Variants in GRM5 observed in about 807,000 individuals in gnomAD.
GRM5 encodes the protein metabotropic glutamate receptor 5.
GRM5 carries 19 observed loss-of-function variants against 83.1 expected under a neutral mutation model. That is an observed-to-expected ratio of 0.23 (90% CI 0.16 to 0.34). The LOEUF (loss-of-function observed/expected upper bound fraction) is 0.34, where lower values mean the gene tolerates loss of function less well. GRM5 is among the 10% of genes least tolerant of loss of function. GRM5 has a pLI of 1.00. For synonymous variants in GRM5, 675 were observed against 633.6 expected, an observed-to-expected ratio of 1.07 and a Z score of -0.98; for missense variants, 1,160 against 1,588.3, an observed-to-expected ratio of 0.73 and a Z score of 4.58.
intron 2 of GRM5, among the ~76,000 whole-genome samples, chr11:88,896,529 T>A (rs1453109376): frequency 6.6e-6 from 1 of 151,890 alleles, no homozygotes; most frequent in African/African-American, 2.4e-5. Flanking sequence ...ATAGAGAGGT[T>A]TATTTATTGT....
intron 3 of GRM5, among the ~76,000 whole-genome samples, chr11:88,675,807 C>T (rs1008800750): frequency 6.6e-6 from 1 of 152,010 alleles, no homozygotes; most frequent in African/African-American, 2.4e-5. Flanking sequence ...AATAGGCATT[C>T]TGTAAATGTT....
chr11:88,732,164 A>G (rs1026641207), intron 3 of GRM5, among the ~76,000 whole-genome samples: 3 of 152,064 alleles, frequency 2.0e-5, no homozygotes, highest in Non-Finnish European at 2.9e-5. Context: ...AAACTAAACT[A>G]AAACCAATTG....
chr11:88,844,357 T>TAC (rs3031469), intron 3 of GRM5, among the ~76,000 whole-genome samples: 7,903 of 146,124 alleles, frequency 0.054, 206 homozygotes, highest in South Asian at 0.076. Flanking sequence ...TCAGAATTAC[T>TAC]ACACACACAC....
intron 4 of GRM5, among the ~76,000 whole-genome samples, chr11:88,630,263 A>G (rs1938925550): frequency 6.6e-6 from 1 of 152,144 alleles, no homozygotes; most frequent in South Asian, 2.1e-4. Context: ...CTCCCCTAAC[A>G]GGAATGTATG....
At chr11:89,019,388 T>C (rs1165414871) in intron 2 of GRM5, among the ~76,000 whole-genome samples, 2 of 151,952 alleles carry the variant, frequency 1.3e-5, no homozygotes, top group Non-Finnish European at 2.9e-5. Context: ...TATAGAAAAA[T>C]GTCATATCAA....
chr11:88,988,719 G>C (rs1386364134), intron 2 of GRM5, among the ~76,000 whole-genome samples: 7 of 151,180 alleles, frequency 4.6e-5, no homozygotes, highest in African/African-American at 1.7e-4. Flanking sequence ...CATTCTTAAA[G>C]AAAAGAATTT....
intron 4 of GRM5, 26 bp from the exon 5 acceptor site, chr11:88,604,990 C>G: frequency 6.3e-7 from 1 of 1,591,736 alleles, no homozygotes; most frequent in Non-Finnish European, 8.6e-7. Context: ...TTAAGCATAG[C>G]TTTGAGGTAC....
At chr11:88,923,404 G>A (rs1387333143) in intron 2 of GRM5, among the ~76,000 whole-genome samples, 1 of 152,134 alleles carries the variant, frequency 6.6e-6, no homozygotes, top group African/African-American at 2.4e-5. Context: ...TCAACAGCGT[G>A]GATGGAACTG....
At chr11:88,713,055 G>T (rs932238896) in intron 3 of GRM5, among the ~76,000 whole-genome samples, 20 of 151,916 alleles carry the variant, frequency 1.3e-4, no homozygotes, top group African/African-American at 4.6e-4. Flanking sequence ...CTAGATTTGG[G>T]TAGATATTAG....
chr11:88,834,802 G>A (rs1944062024), intron 3 of GRM5, among the ~76,000 whole-genome samples: 1 of 152,170 alleles, frequency 6.6e-6, no homozygotes, highest in East Asian at 1.9e-4. Context: ...ATAAACTCAT[G>A]GGGAGGGTGT....
At position 88,740,995 on chromosome 11, in the gene GRM5, A is replaced by G. The variant is rs148292445; in HGVS notation, c.912-87592T>C. On this transcript the variant is annotated intron_variant, in intron 3 of 9. Coordinates refer to ENST00000305447, the MANE Select transcript of GRM5 (RefSeq NM_001143831.3). Reference sequence around the variant, plus strand: ...GTATCTTCCTGCTATGTTCACTGCTATAGTAGATTAGGATTGTATACTATG... The same window carrying G: ...GTATCTTCCTGCTATGTTCACTGCTGTAGTAGATTAGGATTGTATACTATG... 1.5e-4 allele frequency among the ~76,000 whole-genome samples: 23 copies of G among 152,200 alleles called. No individual in the cohort carries two copies. The East Asian group carries it at 3.3e-3, about 22-fold the overall frequency.
At chr11:88,952,977 C>T (rs530299369) in intron 2 of GRM5, among the ~76,000 whole-genome samples, 1 of 152,042 alleles carries the variant, frequency 6.6e-6, no homozygotes, top group Non-Finnish European at 1.5e-5. Flanking sequence ...GGATTTTCCC[C>T]TCTCTTTTCT....
chr11:88,730,568 CAT>C (rs1452071882), intron 3 of GRM5, among the ~76,000 whole-genome samples: 2 of 152,018 alleles, frequency 1.3e-5, no homozygotes, highest in East Asian at 3.9e-4. Flanking sequence ...CACATGCACA[CAT>C]ATGTTTATTG....
intron 2 of GRM5, among the ~76,000 whole-genome samples, chr11:88,902,562 G>A (rs12422021): frequency 0.019 from 2,938 of 152,100 alleles, 45 homozygotes; most frequent in East Asian, 0.066. Context: ...GACCTGGAAG[G>A]GTAGCAGAGA....
chr11:88,988,308 GA>G (rs1939812899), intron 2 of GRM5, among the ~76,000 whole-genome samples: 1 of 150,872 alleles, frequency 6.6e-6, no homozygotes, highest in Non-Finnish European at 1.5e-5. Flanking sequence ...GAAGTTTAGA[GA>G]AAAAAGAATA....
chr11:88,918,697 A>G (rs1945636529), intron 2 of GRM5, among the ~76,000 whole-genome samples: 1 of 152,044 alleles, frequency 6.6e-6, no homozygotes, highest in African/African-American at 2.4e-5. Flanking sequence ...TTTTAAAGAC[A>G]TACATAGTAT....
At chr11:88,696,011 G>C (rs940210524) in intron 3 of GRM5, among the ~76,000 whole-genome samples, 1 of 152,168 alleles carries the variant, frequency 6.6e-6, no homozygotes, top group South Asian at 2.1e-4. Context: ...AAGACAGAAG[G>C]CTTTCTGTAT....
chr11:88,548,975 G>T (rs1238922019), intron 8 of GRM5, among the ~76,000 whole-genome samples: 1 of 152,182 alleles, frequency 6.6e-6, no homozygotes, highest in Non-Finnish European at 1.5e-5. Flanking sequence ...GTCAAGCACA[G>T]GGGAAAAACA....
At chr11:88,835,028 G>A (rs772378648) in intron 3 of GRM5, among the ~76,000 whole-genome samples, 3 of 152,006 alleles carry the variant, frequency 2.0e-5, no homozygotes, top group Non-Finnish European at 4.4e-5. Context: ...CAATGTGTTA[G>A]GTATGAAAGG....
Sources: allele counts gnomAD v4.1 joint callset (sites outside exome capture counted in the v4.1 genomes callset), GRCh38; gene constraint gnomAD v4.1.1; transcripts MANE v1.5; gene names NCBI Gene and HGNC (gene_info 2026-07-23, HGNC 2026-07-21).